The following ADAMTS3 variants were observed in gnomAD, a reference collection of about 807,000 sequenced individuals.
The protein encoded by ADAMTS3 is ADAM metallopeptidase with thrombospondin type 1 motif 3, also known as A disintegrin and metalloproteinase with thrombospondin motifs 3.
ADAMTS3 carries 73 observed loss-of-function variants against 129.0 expected under a neutral mutation model. The observed-to-expected ratio is 0.57, with a 90% CI of 0.47 to 0.69. The LOEUF (loss-of-function observed/expected upper bound fraction) is 0.69. Among genes scored for constraint, ADAMTS3 ranks in the 30% least tolerant of loss-of-function variants. The probability of loss-of-function intolerance (pLI) is 0.00; values close to 1 mark genes in which losing one functional copy is unlikely to be tolerated. For synonymous variants in ADAMTS3, 477 were observed against 510.8 expected, an observed-to-expected ratio of 0.93 and a Z score of 0.89; for missense variants, 1,457 against 1,514.5, an observed-to-expected ratio of 0.96 and a Z score of 0.63.
At chr4:72,352,661 T>C (rs1375603736) in intron 4 of ADAMTS3, among the ~76,000 whole-genome samples, 1 of 151,972 alleles carries the variant, frequency 6.6e-6, no homozygotes, top group East Asian at 1.9e-4. Flanking sequence ...TTTGTGTAAC[T>C]GAGGAAGAAT....
chr4:72,402,915 G>A (rs188806524), intron 4 of ADAMTS3, among the ~76,000 whole-genome samples: 19 of 152,088 alleles, frequency 1.2e-4, no homozygotes, highest in South Asian at 2.1e-4. Flanking sequence ...ATATATTTAC[G>A]GAAATAGTTG....
intron 4 of ADAMTS3, among the ~76,000 whole-genome samples, chr4:72,405,747 G>C (rs550708447): frequency 6.6e-6 from 1 of 152,202 alleles, no homozygotes; most frequent in East Asian, 1.9e-4. Context: ...GAAGACAATG[G>C]TTGTAATTTC....
At chr4:72,510,902 C>A (rs1429296480) in intron 3 of ADAMTS3, among the ~76,000 whole-genome samples, 1 of 140,904 alleles carries the variant, frequency 7.1e-6, no homozygotes, top group Non-Finnish European at 1.5e-5. Flanking sequence ...ATAAACAAAA[C>A]AGCATGATAC....
intron 3 of ADAMTS3, among the ~76,000 whole-genome samples, chr4:72,478,778 C>G (rs80161288): frequency 0.016 from 2,370 of 151,680 alleles, 58 homozygotes; most frequent in African/African-American, 0.054. Flanking sequence ...TGACATGATT[C>G]TATATCTAGA....
rs571347869 is a variant in ADAMTS3 at position 72,516,056 on chromosome 4, G to A, written c.504+32422C>T. Among the ~76,000 whole-genome samples, 72 of 152,188 alleles carry A rather than the reference G, an allele frequency of 4.7e-4. No individual in the cohort carries two copies. The South Asian group carries it at 0.015, about 31-fold the overall frequency. Reference sequence around the variant, plus strand: ...ATCCAGTTCCAGCTTTCTACATATGGCTACCCAGTTTTCCCAGCACCATTT... The same window carrying A: ...ATCCAGTTCCAGCTTTCTACATATGACTACCCAGTTTTCCCAGCACCATTT... On this transcript the variant is annotated intron_variant, in intron 3 of 21. Transcript: ENST00000286657.
intron 3 of ADAMTS3, among the ~76,000 whole-genome samples, chr4:72,474,352 G>C (rs186747984): frequency 6.6e-6 from 1 of 151,832 alleles, no homozygotes; most frequent in Non-Finnish European, 1.5e-5. Context: ...AAAAAACAAA[G>C]AAATAGAAAA....
intron 17 of ADAMTS3, among the ~76,000 whole-genome samples, chr4:72,301,511 A>G (rs935636737): frequency 1.3e-5 from 2 of 152,124 alleles, no homozygotes; most frequent in Admixed American, 6.6e-5. Flanking sequence ...GAGAAGAAAA[A>G]CCCTAAAAAT....
In ADAMTS3 at chr4:72,354,202, C is replaced by T. The variant is rs576454801; in HGVS notation, c.662-14509G>A. On this transcript the variant is annotated intron_variant, in intron 4 of 21. Transcript: ENST00000286657. Reference sequence around the variant, plus strand: ...TTTAGATAAAATATTCCTAGAAGCACATTTATCTTCATCTGTTTTCCAATT... The same window carrying T: ...TTTAGATAAAATATTCCTAGAAGCATATTTATCTTCATCTGTTTTCCAATT... Among the ~76,000 whole-genome samples the T allele has an allele frequency of 1.1e-4, 16 of 152,026 alleles. 1 individual carries two copies. In the South Asian group the frequency reaches 3.3e-3, roughly 32 times the overall value.
intron 3 of ADAMTS3, chr4:72,442,262 T>C (rs934933917): frequency 4.0e-5 from 6 of 151,780 alleles, no homozygotes; most frequent in African/African-American, 1.4e-4. Flanking sequence ...GATGCCTTAG[T>C]CCATTTTGTA....
At chr4:72,491,491 AG>A (rs1719743052) in intron 3 of ADAMTS3, among the ~76,000 whole-genome samples, 1 of 151,914 alleles carries the variant, frequency 6.6e-6, no homozygotes, top group African/African-American at 2.4e-5. Flanking sequence ...TATTTTGTTA[AG>A]AGTTTTTATC....
rs553348222 is a variant in ADAMTS3 at position 72,459,770 on chromosome 4, T to C, written c.505-44799A>G. Among the ~76,000 whole-genome samples, 201 of 151,638 alleles carry C rather than the reference T, an allele frequency of 1.3e-3. 1 individual carries two copies. Among genetic ancestry groups the C allele is most frequent in the Non-Finnish European group, 2.2e-3 (150 of 67,660 alleles). ...TCTGAAATGCTTGGAACCAGAAGTT[T>C]CCCAGATTTTGGATTTTTTCGGATT... is the stretch of plus-strand genomic sequence containing the variant. On this transcript the variant is annotated intron_variant, in intron 3 of 21. Coordinates refer to ENST00000286657, the MANE Select transcript of ADAMTS3 (RefSeq NM_014243.3).
At position 72,320,877 on chromosome 4, in the gene ADAMTS3, G is replaced by C. The variant is rs985565189; in HGVS notation, c.946-7C>G. On this transcript the variant is annotated splice_region_variant and splice_polypyrimidine_tract_variant and intron_variant, in intron 6 of 21. Coordinates refer to ENST00000286657, the MANE Select transcript of ADAMTS3 (RefSeq NM_014243.3). ...TTTCTATGAGGCTGATGGACTAAGT[G>C]AAAACAATATGTTAAAGACACACCT... 1 of 1,612,508 alleles carries C rather than the reference G, an allele frequency of 6.2e-7. No individual in the cohort carries two copies. Among genetic ancestry groups the C allele is most frequent in the African/African-American group, 1.3e-5 (1 of 74,800 alleles).
At chr4:72,469,716 G>A (rs1035657831) in intron 3 of ADAMTS3, among the ~76,000 whole-genome samples, 3 of 151,808 alleles carry the variant, frequency 2.0e-5, no homozygotes, top group African/African-American at 4.8e-5. Context: ...CTCCTCCTCC[G>A]CCTCCTCTCC....
chr4:72,322,937 T>C (rs1296256767), intron 6 of ADAMTS3, 77 bp downstream of exon 6: 3 of 1,149,278 alleles, frequency 2.6e-6, no homozygotes, highest in South Asian at 1.2e-5. Context: ...TTAAGTTAGA[T>C]GTAGCTTGAA....
chr4:72,436,805 A>G (rs1717940335), intron 3 of ADAMTS3, among the ~76,000 whole-genome samples: 1 of 150,688 alleles, frequency 6.6e-6, no homozygotes, highest in East Asian at 2.0e-4. Context: ...GAATTGAACA[A>G]TGAGAACACT....
chr4:72,390,913 G>T, intron 4 of ADAMTS3, among the ~76,000 whole-genome samples: 2 of 148,768 alleles, frequency 1.3e-5, no homozygotes, highest in African/African-American at 2.5e-5. Context: ...AAAAAAACTG[G>T]CTAAACTTTT....
intron 4 of ADAMTS3, among the ~76,000 whole-genome samples, chr4:72,398,260 T>C (rs978136351): frequency 2.0e-5 from 3 of 151,894 alleles, no homozygotes; most frequent in Non-Finnish European, 4.4e-5. Context: ...ACAATGTTGA[T>C]AAAATAAAAG....
intron 3 of ADAMTS3, among the ~76,000 whole-genome samples, chr4:72,514,001 T>G (rs904867178): frequency 1.3e-5 from 2 of 152,190 alleles, no homozygotes; most frequent in South Asian, 2.1e-4. Context: ...CTCTTAAAAG[T>G]CTTCCTTGAC....
At chr4:72,513,895 CCATT>C (rs1720382344) in intron 3 of ADAMTS3, among the ~76,000 whole-genome samples, 1 of 152,170 alleles carries the variant, frequency 6.6e-6, no homozygotes, top group East Asian at 1.9e-4. Context: ...ACATGTGTAT[CCATT>C]GTTTAGCTCC....
Sources: allele counts gnomAD v4.1 joint callset (sites outside exome capture counted in the v4.1 genomes callset), GRCh38; gene constraint gnomAD v4.1.1; transcripts MANE v1.5; gene names NCBI Gene and HGNC (gene_info 2026-07-23, HGNC 2026-07-21).